Variants in MECOM observed in about 807,000 individuals in gnomAD.
MECOM encodes MDS1 and EVI1 complex locus.
In MECOM, 13 loss-of-function variants were observed where a neutral mutation model predicts 116.3. That is an observed-to-expected ratio of 0.11 (90% CI 0.07 to 0.18). The LOEUF is 0.18. MECOM is among the 10% of genes least tolerant of loss of function. The pLI is 1.00. For synonymous variants in MECOM, 528 were observed against 535.2 expected, an observed-to-expected ratio of 0.99 and a Z score of 0.19; for missense variants, 1,299 against 1,509.0, an observed-to-expected ratio of 0.86 and a Z score of 2.31.
At chr3:169,392,592 C>G (rs1419334598) in intron 1 of MECOM, among the ~76,000 whole-genome samples, 1 of 152,002 alleles carries the variant, frequency 6.6e-6, no homozygotes, top group Non-Finnish European at 1.5e-5. Context: ...TGTCTGCCCT[C>G]AAGTAGCTTA....
chr3:169,553,872 A>G (rs1761702381), intron 1 of MECOM, among the ~76,000 whole-genome samples: 1 of 151,926 alleles, frequency 6.6e-6, no homozygotes, highest in South Asian at 2.1e-4. Flanking sequence ...GTCCACCCTA[A>G]TGGCCTCTTT....
rs1739750847 is a variant in MECOM at position 169,145,883 on chromosome 3, G to A, written c.376-2051C>T. 2.3e-5 allele frequency: 5 copies of A among 214,346 alleles called. No individual in the cohort carries two copies. The East Asian group carries it at 3.5e-4, about 15-fold the overall frequency. 13.3% of individuals were successfully genotyped at this position (214,346 alleles called of 1,614,324 possible). A position where few individuals can be genotyped will look rare whatever the true frequency, so the allele number is the denominator to read the frequency against. On this transcript the variant is annotated intron_variant, in intron 2 of 16. Transcript: ENST00000651503. ...ATGTCTTTTTACTAATCTGTTATACGATTATTCAAAGATTTCACCATCATA... is the reference window on the plus strand; with the variant it reads ...ATGTCTTTTTACTAATCTGTTATACAATTATTCAAAGATTTCACCATCATA...
chr3:169,578,381 C>T (rs952239487), intron 1 of MECOM, among the ~76,000 whole-genome samples: 2 of 152,076 alleles, frequency 1.3e-5, no homozygotes, highest in Admixed American at 1.3e-4. Context: ...CTTTCCAAAC[C>T]ACTTTTTTCC....
intron 2 of MECOM, among the ~76,000 whole-genome samples, chr3:169,211,418 G>T (rs946709869): frequency 2.6e-5 from 4 of 152,030 alleles, no homozygotes; most frequent in Non-Finnish European, 4.4e-5. Flanking sequence ...TTCTGCTATG[G>T]TGCTCACTCC....
intron 1 of MECOM, among the ~76,000 whole-genome samples, chr3:169,480,975 A>C (rs1478320651): frequency 6.6e-6 from 1 of 152,180 alleles, no homozygotes; most frequent in African/African-American, 2.4e-5. Context: ...ATGGCACAAA[A>C]TCTTAAAACA....
At chr3:169,250,112 T>C (rs1756074781) in intron 2 of MECOM, among the ~76,000 whole-genome samples, 1 of 152,184 alleles carries the variant, frequency 6.6e-6, no homozygotes, top group Non-Finnish European at 1.5e-5. Context: ...GCCCACTCCC[T>C]TGGGTCAGTG....
chr3:169,312,105 G>A (rs958678862), intron 2 of MECOM, among the ~76,000 whole-genome samples: 6 of 152,210 alleles, frequency 3.9e-5, no homozygotes, highest in Admixed American at 3.3e-4. Context: ...AGAGAGTCTG[G>A]AACTAACTTA....
At chr3:169,146,712 A>T in intron 2 of MECOM, 1 of 1,246,998 alleles carries the variant, frequency 8.0e-7, no homozygotes, top group Non-Finnish European at 1.0e-6. Flanking sequence ...TAAAGTGAGG[A>T]GTTCTCTTAC....
intron 1 of MECOM, among the ~76,000 whole-genome samples, chr3:169,485,080 C>G (rs1350213600): frequency 1.3e-5 from 2 of 152,080 alleles, no homozygotes; most frequent in Admixed American, 6.5e-5. Flanking sequence ...CTGCAACCTC[C>G]ACCCCCTGGG....
At chr3:169,140,684 A>G (rs1376243886) in intron 3 of MECOM, among the ~76,000 whole-genome samples, 1 of 3,738 alleles carries the variant, frequency 2.7e-4, no homozygotes, top group Non-Finnish European at 1.3e-3. Context: ...ATTCTGTCTG[A>G]AAAAAAAAAA....
At chr3:169,366,361 C>T (rs1405105094) in intron 2 of MECOM, among the ~76,000 whole-genome samples, 1 of 151,872 alleles carries the variant, frequency 6.6e-6, no homozygotes, top group Non-Finnish European at 1.5e-5. Context: ...GGATTTCCTA[C>T]ATCCCTATAA....
At chr3:169,239,555 A>T (rs1754515667) in intron 2 of MECOM, among the ~76,000 whole-genome samples, 1 of 151,978 alleles carries the variant, frequency 6.6e-6, no homozygotes, top group Non-Finnish European at 1.5e-5. Flanking sequence ...TATAATTGAG[A>T]TTCAAATAAA....
At chr3:169,452,592 A>G (rs955757241) in intron 1 of MECOM, among the ~76,000 whole-genome samples, 1 of 152,158 alleles carries the variant, frequency 6.6e-6, no homozygotes, top group Non-Finnish European at 1.5e-5. Context: ...TGTATCATGG[A>G]TGTCAAGTCC....
intron 2 of MECOM, among the ~76,000 whole-genome samples, chr3:169,310,930 A>G (rs976095944): frequency 6.6e-6 from 1 of 152,228 alleles, no homozygotes; most frequent in Non-Finnish European, 1.5e-5. Context: ...CATGCAGTAG[A>G]CACAACAAAA....
rs1747690884 is a variant in MECOM, at chr3:169,191,758, GAAAGAAAGAA to G, written c.376-47936_376-47927del. ...AAAGAAAGAGAAAGAAAGAAAGAAA[GAAAGAAAGAA>G]AGAAAGAAAGAAAGAAAGAAAGAAA... On this transcript the variant is annotated intron_variant, in intron 2 of 16. Coordinates refer to ENST00000651503, the MANE Select transcript of MECOM (RefSeq NM_004991.4). Among the ~76,000 whole-genome samples the G allele has an allele frequency of 2.1e-5, 3 of 140,874 alleles. No homozygotes were observed. In the Admixed American group the frequency reaches 2.3e-4, roughly 11 times the overall value. The allele number at this position is 140,874 out of a possible 152,430, so 92.4% of individuals were successfully genotyped here.
intron 3 of MECOM, chr3:169,134,019 TAGTG>T: frequency 2.6e-6 from 3 of 1,160,662 alleles, no homozygotes; most frequent in Admixed American, 2.3e-5. Context: ...TTCTCGGAAA[TAGTG>T]AGGTTAAAGA....
At chr3:169,663,204 G>T in intron 1 of MECOM, 132 bp downstream of exon 1, 1 of 1,028,714 alleles carries the variant, frequency 9.7e-7, no homozygotes, top group Non-Finnish European at 1.5e-6. Context: ...TGCTGGGGCT[G>T]CGCTCCGCCT....
chr3:169,187,684 C>T (rs1436214188), intron 2 of MECOM, among the ~76,000 whole-genome samples: 2 of 151,998 alleles, frequency 1.3e-5, no homozygotes, highest in East Asian at 3.9e-4. Context: ...ATTCAGCTGG[C>T]CTACAATAAA....
At chr3:169,605,916 T>C (rs1768475058) in intron 1 of MECOM, among the ~76,000 whole-genome samples, 2 of 152,268 alleles carry the variant, frequency 1.3e-5, no homozygotes, top group South Asian at 4.1e-4. Flanking sequence ...CCTCTGAATC[T>C]TGAGTGAAAT....
Sources: allele counts gnomAD v4.1 joint callset (sites outside exome capture counted in the v4.1 genomes callset), GRCh38; gene constraint gnomAD v4.1.1; transcripts MANE v1.5; gene names NCBI Gene and HGNC (gene_info 2026-07-23, HGNC 2026-07-21).